TRHDE: variants seen among roughly 807,000 people sequenced by gnomAD.
TRHDE encodes the protein thyrotropin-releasing hormone-degrading ectoenzyme.
Under a neutral mutation model 125.7 loss-of-function variants are expected in TRHDE, and 72 were observed. That is an observed-to-expected ratio of 0.57 (90% CI 0.47 to 0.70). The LOEUF (loss-of-function observed/expected upper bound fraction) is 0.70, where lower values mean the gene tolerates loss of function less well. Among genes scored for constraint, TRHDE ranks in the 30% least tolerant of loss-of-function variants. The pLI is 0.00. For missense variants in TRHDE, 1,110 were observed against 1,327.1 expected (o/e 0.84, Z 2.54); for synonymous variants, 509 against 509.1 (o/e 1.00, Z 0.00).
chr12:72,488,982 A>G (rs1188169862), intron 5 of TRHDE, among the ~76,000 whole-genome samples: 1 of 151,758 alleles, frequency 6.6e-6, no homozygotes, highest in Non-Finnish European at 1.5e-5. Context: ...ACAAAAATCT[A>G]TGAGAGGCAG....
chr12:72,527,683 C>A lies in TRHDE; in HGVS notation c.1723-14608C>A, dbSNP rs542518245. Among the ~76,000 whole-genome samples, 13 of 151,746 alleles carry A rather than the reference C, an allele frequency of 8.6e-5. No homozygotes were observed. The South Asian group carries it at 2.7e-3, about 32-fold the overall frequency. On this transcript the variant is annotated intron_variant, in intron 6 of 18. Coordinates refer to ENST00000261180, the MANE Select transcript of TRHDE (RefSeq NM_013381.3). ...ATATTATTTTCGTAAGAATCACATT[C>A]CCATTATTTTTTCTTATTTTAATAT...
At chr12:72,156,481 G>A (rs1022659363) in intron 2 of TRHDE, among the ~76,000 whole-genome samples, 6 of 152,246 alleles carry the variant, frequency 3.9e-5, no homozygotes, top group South Asian at 4.1e-4. Context: ...CGTCTTCTGC[G>A]TCACTCATGC....
intron 2 of TRHDE, among the ~76,000 whole-genome samples, chr12:72,215,766 C>A (rs1038809119): frequency 6.6e-6 from 1 of 152,054 alleles, no homozygotes; most frequent in Non-Finnish European, 1.5e-5. Flanking sequence ...CACTGGATGG[C>A]GGCAGTGACA....
At chr12:72,373,190 T>G (rs992977231) in intron 2 of TRHDE, among the ~76,000 whole-genome samples, 1 of 152,196 alleles carries the variant, frequency 6.6e-6, no homozygotes, top group African/African-American at 2.4e-5. Flanking sequence ...GGCTCTCTGT[T>G]TGTCTGTTAT....
rs1428709885 is a variant in TRHDE at position 72,273,251 on chromosome 12, T to C, written c.608T>C (p.Met203Thr). The change falls in exon 1 of 19, where the codon ATG becomes ACG. Residue 203 changes from methionine (M) to threonine (T), a missense_variant. Transcript: ENST00000261180. This position sits in a 1 kb window ranked among gnomAD's most constrained non-coding sequence, Gnocchi z 5.3. ...TACAATCTGATGCTCACCGCCTTCA[T>C]GGAGAACTTCACCTTCTCCGGGGAG... Reference protein sequence around the residue: ...LHYNLMLTAFMENFTFSGEVN... With the variant: ...LHYNLMLTAFTENFTFSGEVN... The C allele has an allele frequency of 6.2e-7, 1 of 1,614,028 alleles. No individual in the cohort carries two copies. The highest frequency in any genetic ancestry group is 1.7e-5 in the Admixed American group (1 of 60,028).
At chr12:72,088,599 C>T (rs556233908) in intron 1 of TRHDE, among the ~76,000 whole-genome samples, 1 of 151,778 alleles carries the variant, frequency 6.6e-6, no homozygotes, top group African/African-American at 2.4e-5. Context: ...CTTTGCTGCG[C>T]CTCGGTTCTC....
chr12:72,130,044 G>T (rs571720609), intron 2 of TRHDE, among the ~76,000 whole-genome samples: 2 of 152,328 alleles, frequency 1.3e-5, no homozygotes, highest in African/African-American at 4.8e-5. Context: ...GCTCACGCCT[G>T]TAATCCCAGC....
At chr12:72,301,298 CT>C (rs1301669006) in intron 2 of TRHDE, among the ~76,000 whole-genome samples, 1 of 152,032 alleles carries the variant, frequency 6.6e-6, no homozygotes, top group Admixed American at 6.6e-5. Flanking sequence ...AGAGTGGTCT[CT>C]TTTTTTCCTT....
intron 2 of TRHDE, among the ~76,000 whole-genome samples, chr12:72,307,060 G>C (rs1868352162): frequency 1.3e-5 from 2 of 152,274 alleles, no homozygotes; most frequent in South Asian, 4.1e-4. Flanking sequence ...TGCATGTGTA[G>C]GTAGGGCCTT....
chr12:72,583,265 A>G (rs1270206947), intron 12 of TRHDE, among the ~76,000 whole-genome samples: 1 of 152,224 alleles, frequency 6.6e-6, no homozygotes, highest in African/African-American at 2.4e-5. Context: ...TCTGCCATTG[A>G]CCAAAAGTTA....
intron 15 of TRHDE, among the ~76,000 whole-genome samples, chr12:72,644,476 A>C (rs1231074680): frequency 6.6e-6 from 1 of 152,156 alleles, no homozygotes; most frequent in Non-Finnish European, 1.5e-5. Flanking sequence ...GCACAGAGTG[A>C]TGGGAAAAGA....
At chr12:72,505,295 ATTTTAATAG>A (rs1215205715) in intron 6 of TRHDE, among the ~76,000 whole-genome samples, 3 of 152,322 alleles carry the variant, frequency 2.0e-5, no homozygotes, top group Non-Finnish European at 1.5e-5. Flanking sequence ...CAAGTTTCCC[ATTTTAATAG>A]TAGATTGAAA....
intron 2 of TRHDE, among the ~76,000 whole-genome samples, chr12:72,298,768 A>C (rs528212711): frequency 6.6e-6 from 1 of 152,310 alleles, no homozygotes; most frequent in South Asian, 2.1e-4. Flanking sequence ...GCATGGAGAT[A>C]ATACAAAATG....
At chr12:72,298,471 TTTATTTTTTGA>T (rs1880386523) in intron 2 of TRHDE, among the ~76,000 whole-genome samples, 1 of 152,212 alleles carries the variant, frequency 6.6e-6, no homozygotes, top group African/African-American at 2.4e-5. Flanking sequence ...CAGATTTGTT[TTTATTTTTTGA>T]CTTTCTTCTT....
chr12:72,356,819 A>G (rs1870845775), intron 2 of TRHDE, among the ~76,000 whole-genome samples: 1 of 151,570 alleles, frequency 6.6e-6, no homozygotes. Context: ...CCACATTTGG[A>G]AACATCATGG....
intron 15 of TRHDE, among the ~76,000 whole-genome samples, chr12:72,649,165 A>G (rs1359639379): frequency 6.6e-6 from 1 of 152,248 alleles, no homozygotes; most frequent in East Asian, 1.9e-4. Flanking sequence ...AGTGGTCAAA[A>G]TAATATGGTA....
At chr12:72,559,877 A>G (rs866432746) in intron 7 of TRHDE, among the ~76,000 whole-genome samples, 2 of 152,016 alleles carry the variant, frequency 1.3e-5, no homozygotes, top group African/African-American at 4.8e-5. Context: ...AGTCATGGAA[A>G]TCTCCCTACA....
intron 2 of TRHDE, among the ~76,000 whole-genome samples, chr12:72,171,604 T>C (rs2139335626): frequency 6.6e-6 from 1 of 152,260 alleles, no homozygotes; most frequent in South Asian, 2.1e-4. Context: ...CCTATATTTG[T>C]GTTGCTGCCT....
chr12:72,116,274 G>C (rs911010332), intron 2 of TRHDE, among the ~76,000 whole-genome samples: 8 of 152,104 alleles, frequency 5.3e-5, no homozygotes, highest in Non-Finnish European at 1.0e-4. Context: ...TGGACATTTG[G>C]GTTGGTTCCA....
Sources: gnomAD v4.1 joint callset for allele counts (sites outside exome capture counted in the v4.1 genomes callset) on GRCh38, gnomAD v4.1.1 for gene constraint, Gnocchi (gnomAD v3.1) non-coding constraint, MANE v1.5 for transcripts, NCBI Gene and HGNC (gene_info 2026-07-23, HGNC 2026-07-21) for gene names.